The following TLK2 variants were observed in gnomAD, a reference collection of about 807,000 sequenced individuals.
TLK2 encodes the protein tousled like kinase 2, also known as serine/threonine-protein kinase tousled-like 2.
A neutral mutation model predicts 117.3 loss-of-function variants in TLK2; 6 were observed. The observed-to-expected ratio is 0.05, with a 90% CI of 0.03 to 0.10. The LOEUF (loss-of-function observed/expected upper bound fraction) is 0.10. TLK2 is among the 10% of genes least tolerant of loss of function. The pLI is 1.00. For synonymous variants in TLK2, 257 were observed against 316.7 expected, an observed-to-expected ratio of 0.81 and a Z score of 2.00; for missense variants, 299 against 901.2, an observed-to-expected ratio of 0.33 and a Z score of 8.56.
intron 20 of TLK2, among the ~76,000 whole-genome samples, chr17:62,606,455 G>A (rs573731126): frequency 5.3e-5 from 8 of 152,116 alleles, no homozygotes; most frequent in African/African-American, 7.2e-5. Flanking sequence ...TGAGTTCTGC[G>A]GGGCTGTTAA....
chr17:62,481,379 A>G (rs901720313), intron 2 of TLK2, among the ~76,000 whole-genome samples, 173 bp downstream of exon 2: 1 of 152,202 alleles, frequency 6.6e-6, no homozygotes, highest in Non-Finnish European at 1.5e-5. Flanking sequence ...CATTTAACAT[A>G]GTAGGTTTGA....
rs534656128 is a variant in TLK2, at chr17:62,490,691, G to A, written c.81+9485G>A. Among the ~76,000 whole-genome samples, 254 of 151,998 alleles carry A rather than the reference G, an allele frequency of 1.7e-3. 1 individual carries two copies. Among genetic ancestry groups the A allele is most frequent in the Non-Finnish European group, 3.0e-3 (204 of 67,978 alleles). ...CAAGTAGCTGGGACTATAGGCACGC[G>A]CCACCGCACGCAGCTAATTTTTGTA... On this transcript the variant is annotated intron_variant, in intron 2 of 21. Coordinates refer to ENST00000346027, the MANE Select transcript of TLK2 (RefSeq NM_006852.6).
At chr17:62,579,099 T>C (rs1170793593) in intron 14 of TLK2, among the ~76,000 whole-genome samples, 4 of 152,214 alleles carry the variant, frequency 2.6e-5, no homozygotes, top group Non-Finnish European at 4.4e-5. Context: ...TTATAAGTAA[T>C]CTGTTTTTTC....
intron 2 of TLK2, among the ~76,000 whole-genome samples, chr17:62,506,233 G>C (rs770568564): frequency 6.6e-6 from 1 of 152,198 alleles, no homozygotes; most frequent in East Asian, 1.9e-4. Context: ...TCTCCCAACT[G>C]TCTTCTCCAG....
At chr17:62,558,665 A>G (rs1167535062) in intron 9 of TLK2, among the ~76,000 whole-genome samples, 1 of 152,198 alleles carries the variant, frequency 6.6e-6, no homozygotes, top group East Asian at 1.9e-4. Context: ...TAGATTCTTT[A>G]CTATGAATTT....
intron 2 of TLK2, among the ~76,000 whole-genome samples, chr17:62,487,111 C>A (rs370415995): frequency 1.3e-5 from 2 of 151,964 alleles, no homozygotes; most frequent in Admixed American, 6.6e-5. Context: ...GGCCAACATG[C>A]CAAAACCCGT....
At chr17:62,602,611 T>C (rs1182751842) in intron 19 of TLK2, among the ~76,000 whole-genome samples, 1 of 152,138 alleles carries the variant, frequency 6.6e-6, no homozygotes, top group South Asian at 2.1e-4. Flanking sequence ...TAGGGAGTTA[T>C]GAAGATCAGG....
In TLK2 at chr17:62,604,801, C is replaced by T. The variant is rs536428523; in HGVS notation, c.1860-1329C>T. 2.9e-4 allele frequency among the ~76,000 whole-genome samples: 44 copies of T among 151,058 alleles called. No homozygotes were observed. The South Asian group carries it at 4.0e-3, about 14-fold the overall frequency. ...GTGCACGCCTGAAATCCCAGCTATTCGGAGGTTGCAGTGAGCTGAGGTCAC... is the reference window on the plus strand; with the variant it reads ...GTGCACGCCTGAAATCCCAGCTATTTGGAGGTTGCAGTGAGCTGAGGTCAC... On this transcript the variant is annotated intron_variant, in intron 19 of 21. Coordinates refer to ENST00000346027, the MANE Select transcript of TLK2 (RefSeq NM_006852.6).
rs2075568054 is a variant in TLK2, at chr17:62,516,192, T to C, written c.82-4581T>C. The C allele has an allele frequency of 8.3e-6, 5 of 599,942 alleles. No individual in the cohort carries two copies. The South Asian group carries it at 9.1e-5, about 11-fold the overall frequency. 37.2% of individuals were successfully genotyped at this position (599,942 alleles called of 1,614,324 possible). ...CGCTCACCTCGGCCTCCCAAAGTGC[T>C]GGGATTACAGGCATGAGTCACCGCG... On this transcript the variant is annotated intron_variant, in intron 2 of 21. Coordinates refer to ENST00000346027, the MANE Select transcript of TLK2 (RefSeq NM_006852.6).
rs1598535772 is a variant in TLK2, at chr17:62,552,331, A to G, written c.561A>G (p.Gly187=). ...AGCAAAACAGTCCCTCATCTACGGGATCTGGCAACACAGAGCATTCCTGCA... is the reference window on the plus strand; with the variant it reads ...AGCAAAACAGTCCCTCATCTACGGGGTCTGGCAACACAGAGCATTCCTGCA... The part of the protein sequence containing the change: ...SAQQNSPSST[G]SGNTEHSCSS... The change falls in exon 8 of 22, where the codon GGA becomes GGG. Residue 187 remains glycine (G), a synonymous_variant. Coordinates refer to ENST00000346027, the MANE Select transcript of TLK2 (RefSeq NM_006852.6). The G allele has an allele frequency of 6.2e-7, 1 of 1,613,534 alleles. No individual in the cohort carries two copies. The highest frequency in any genetic ancestry group is 2.2e-5 in the East Asian group (1 of 44,830).
chr17:62,608,101 A>T lies in TLK2; in HGVS notation c.2032A>T (p.Thr678Ser). ...ILQENTILKA[T>S]EVQFPPKPVV... ...ACAAGAGAATACGATTCTTAAAGCT[A>T]CTGAAGTGCAGTTCCCGCCAAAGCC... Residue 678 changes from threonine to serine, a missense_variant, in exon 21 of 22, where the codon ACT (threonine) becomes TCT (serine). Thr to Ser is a moderately conservative substitution (Grantham distance 58). Coordinates refer to ENST00000346027, the MANE Select transcript of TLK2 (RefSeq NM_006852.6). 1 of 1,614,048 alleles carries T rather than the reference A, an allele frequency of 6.2e-7. No individual in the cohort carries two copies. Among genetic ancestry groups the T allele is most frequent in the Non-Finnish European group, 8.5e-7 (1 of 1,180,026 alleles).
chr17:62,611,470 GTA>G (rs1454393153), intron 21 of TLK2, among the ~76,000 whole-genome samples: 1 of 152,172 alleles, frequency 6.6e-6, no homozygotes, highest in Admixed American at 6.5e-5. Context: ...AAAACTGAAA[GTA>G]TAGAGTTCCC....
intron 21 of TLK2, among the ~76,000 whole-genome samples, chr17:62,611,062 C>G (rs553470305): frequency 6.6e-6 from 1 of 152,070 alleles, no homozygotes; most frequent in Non-Finnish European, 1.5e-5. Flanking sequence ...CACTTGAGCC[C>G]AGGAGTTTGA....
chr17:62,528,613 C>G (rs958609988), intron 6 of TLK2, among the ~76,000 whole-genome samples: 1 of 152,018 alleles, frequency 6.6e-6, no homozygotes, highest in Non-Finnish European at 1.5e-5. Context: ...CACGAGGTTT[C>G]GCCATGTTGG....
intron 7 of TLK2, among the ~76,000 whole-genome samples, chr17:62,546,779 C>T (rs769753575): frequency 5.9e-5 from 9 of 151,554 alleles, no homozygotes; most frequent in East Asian, 1.9e-4. Flanking sequence ...AGGCTGGTCT[C>T]GAACTCCTGA....
chr17:62,576,564 A>G, intron 12 of TLK2, 145 bp from the exon 13 acceptor site: 2 of 618,926 alleles, frequency 3.2e-6, no homozygotes, highest in South Asian at 2.1e-5. Flanking sequence ...TTCTCTTGTC[A>G]GAGGACTACA....
At chr17:62,585,842 G>A (rs1253553378) in intron 15 of TLK2, 1 of 234,392 alleles carries the variant, frequency 4.3e-6, no homozygotes, top group East Asian at 8.8e-5. Context: ...GGAATAGATG[G>A]TGTCCAGAAA....
intron 2 of TLK2, among the ~76,000 whole-genome samples, chr17:62,497,739 G>T (rs577779560): frequency 5.3e-5 from 8 of 152,278 alleles, no homozygotes; most frequent in African/African-American, 1.9e-4. Context: ...TTGTTGCCCG[G>T]GCTGGAGTGC....
chr17:62,559,497 C>G (rs962509835), intron 9 of TLK2, among the ~76,000 whole-genome samples: 2 of 151,770 alleles, frequency 1.3e-5, no homozygotes, highest in Admixed American at 6.6e-5. Flanking sequence ...CCCGCCTCAG[C>G]CTCCCGAGTA....
Sources: allele counts gnomAD v4.1 joint callset (sites outside exome capture counted in the v4.1 genomes callset), GRCh38; gene constraint gnomAD v4.1.1; transcripts MANE v1.5; gene names NCBI Gene and HGNC (gene_info 2026-07-23, HGNC 2026-07-21).